The following RORA variants were observed in gnomAD, a reference collection of about 807,000 sequenced individuals.
The protein encoded by RORA is RAR related orphan receptor A, also known as nuclear receptor ROR-alpha.
RORA carries 7 observed loss-of-function variants against 69.5 expected under a neutral mutation model. That is an observed-to-expected ratio of 0.10 (90% CI 0.06 to 0.19). The LOEUF (loss-of-function observed/expected upper bound fraction) is 0.19, where lower values mean the gene tolerates loss of function less well. RORA is among the 10% of genes least tolerant of loss of function. The pLI, the probability that RORA is intolerant of heterozygous loss-of-function variation, is 1.00. For synonymous variants in RORA, 261 were observed against 240.8 expected, an observed-to-expected ratio of 1.08 and a Z score of -0.78; for missense variants, 457 against 663.0, an observed-to-expected ratio of 0.69 and a Z score of 3.41.
chr15:61,137,364 C>T (rs1198129672), intron 1 of RORA, among the ~76,000 whole-genome samples: 4 of 152,206 alleles, frequency 2.6e-5, no homozygotes, highest in Non-Finnish European at 5.9e-5. Flanking sequence ...CCCAAAGTGG[C>T]CCAAACCTGG....
intron 1 of RORA, among the ~76,000 whole-genome samples, chr15:61,007,952 C>T (rs1301638094): frequency 6.6e-6 from 1 of 150,512 alleles, no homozygotes; most frequent in East Asian, 1.9e-4. Context: ...TTTTGGGTAT[C>T]AAAAAAGAGC....
intron 2 of RORA, among the ~76,000 whole-genome samples, chr15:60,662,709 A>G (rs527441319): frequency 4.8e-4 from 73 of 152,038 alleles, no homozygotes; most frequent in Non-Finnish European, 8.1e-4. Flanking sequence ...CCAAGCATAT[A>G]TTTTATTAGT....
At chr15:60,700,512 A>G (rs2070967114) in intron 1 of RORA, among the ~76,000 whole-genome samples, 1 of 152,198 alleles carries the variant, frequency 6.6e-6, no homozygotes, top group Non-Finnish European at 1.5e-5. Flanking sequence ...GGGGATGAGT[A>G]TAATTTACAT....
intron 1 of RORA, among the ~76,000 whole-genome samples, chr15:60,917,802 T>C (rs1396203257): frequency 6.6e-6 from 1 of 152,242 alleles, no homozygotes; most frequent in Non-Finnish European, 1.5e-5. Context: ...TATTTCCTGA[T>C]GGAAGTGGAG....
intron 1 of RORA, among the ~76,000 whole-genome samples, chr15:61,201,882 G>A (rs1281754029): frequency 6.6e-6 from 1 of 152,078 alleles, no homozygotes; most frequent in Non-Finnish European, 1.5e-5. Flanking sequence ...AAAACACAAA[G>A]AACAAATTAG....
chr15:61,105,653 G>A (rs2078941360), intron 1 of RORA, among the ~76,000 whole-genome samples: 1 of 152,090 alleles, frequency 6.6e-6, no homozygotes, highest in Non-Finnish European at 1.5e-5. Context: ...GAAAATGCAG[G>A]GGCATGTGGA....
intron 1 of RORA, among the ~76,000 whole-genome samples, chr15:60,875,829 G>C (rs1232162243): frequency 6.6e-6 from 1 of 152,152 alleles, no homozygotes; most frequent in Non-Finnish European, 1.5e-5. Flanking sequence ...GCCTTCAGTA[G>C]TAGATTCACT....
chr15:61,119,943 T>C (rs8032023), intron 1 of RORA, among the ~76,000 whole-genome samples: 77,776 of 152,020 alleles, frequency 0.51, 20,488 homozygotes, highest in East Asian at 0.66. Context: ...CAAATGCTAG[T>C]GGCAACAGGT....
At chr15:61,065,834 T>C (rs928645381) in intron 1 of RORA, among the ~76,000 whole-genome samples, 1 of 152,236 alleles carries the variant, frequency 6.6e-6, no homozygotes, top group Non-Finnish European at 1.5e-5. Context: ...CATGCAAGAC[T>C]CTGATCCTAC....
intron 1 of RORA, among the ~76,000 whole-genome samples, chr15:61,123,232 C>T (rs1019439460): frequency 2.6e-5 from 4 of 152,018 alleles, no homozygotes; most frequent in Non-Finnish European, 4.4e-5. Context: ...GTGCACCCTA[C>T]ATAAGCAGTG....
chr15:60,829,853 T>C (rs1197605090), intron 1 of RORA, among the ~76,000 whole-genome samples: 2 of 152,240 alleles, frequency 1.3e-5, no homozygotes, highest in African/African-American at 4.8e-5. Flanking sequence ...CAGAAGACAA[T>C]TAACATACTG....
intron 1 of RORA, among the ~76,000 whole-genome samples, chr15:61,017,610 T>G (rs1895346292): frequency 6.6e-6 from 1 of 152,096 alleles, no homozygotes; most frequent in Non-Finnish European, 1.5e-5. Context: ...GACAGATATT[T>G]CAGCGTGGGG....
chr15:61,188,990 C>A (rs186497990), intron 1 of RORA, among the ~76,000 whole-genome samples: 14 of 152,256 alleles, frequency 9.2e-5, no homozygotes, highest in Non-Finnish European at 1.5e-4. Flanking sequence ...GAACCAAGGG[C>A]ATTACCAACC....
At chr15:61,120,924 T>C (rs2079097335) in intron 1 of RORA, among the ~76,000 whole-genome samples, 1 of 149,712 alleles carries the variant, frequency 6.7e-6, no homozygotes, top group Non-Finnish European at 1.5e-5. Flanking sequence ...CTCGGCTCAC[T>C]GCAACCTCCG....
intron 2 of RORA, among the ~76,000 whole-genome samples, chr15:60,559,886 T>A (rs903277806): frequency 6.6e-6 from 1 of 152,234 alleles, no homozygotes; most frequent in African/African-American, 2.4e-5. Flanking sequence ...CAAATACACA[T>A]AACTTTATAA....
At chr15:60,994,908 G>A (rs1894486623) in intron 1 of RORA, among the ~76,000 whole-genome samples, 1 of 152,126 alleles carries the variant, frequency 6.6e-6, no homozygotes, top group African/African-American at 2.4e-5. Flanking sequence ...TTGGGGCATT[G>A]GGGTGTCAAG....
At chr15:60,587,006 C>T (rs1346054333) in intron 2 of RORA, among the ~76,000 whole-genome samples, 2 of 152,122 alleles carry the variant, frequency 1.3e-5, no homozygotes, top group South Asian at 4.1e-4. Flanking sequence ...CTCACAAGCA[C>T]GAGAATTCGT....
chr15:60,702,926 C>A (rs910471738), intron 1 of RORA, among the ~76,000 whole-genome samples: 2 of 152,166 alleles, frequency 1.3e-5, no homozygotes, highest in African/African-American at 2.4e-5. Context: ...GCGGAATATT[C>A]CAATACGTCC....
chr15:60,844,658 G>A (rs960182116), intron 1 of RORA, among the ~76,000 whole-genome samples: 1 of 152,164 alleles, frequency 6.6e-6, no homozygotes, highest in African/African-American at 2.4e-5. Flanking sequence ...GATGATGTGG[G>A]TAACCCCAGG....
Sources: gnomAD v4.1 joint callset for allele counts (sites outside exome capture counted in the v4.1 genomes callset) on GRCh38, gnomAD v4.1.1 for gene constraint, MANE v1.5 for transcripts, NCBI Gene and HGNC (gene_info 2026-07-23, HGNC 2026-07-21) for gene names.